The following ZNF236 variants were observed in gnomAD, a reference collection of about 807,000 sequenced individuals.
The protein encoded by ZNF236 is regulated by glucose.
Under a neutral mutation model 191.2 loss-of-function variants are expected in ZNF236, and 50 were observed. The observed-to-expected ratio is 0.26, with a 90% CI of 0.21 to 0.33. The LOEUF (loss-of-function observed/expected upper bound fraction) is 0.33, where lower values mean the gene tolerates loss of function less well. Ranked by LOEUF, ZNF236 falls within the 10% of genes least tolerant of loss-of-function variation. ZNF236 has a pLI of 1.00. For synonymous variants in ZNF236, 907 were observed against 928.8 expected, an observed-to-expected ratio of 0.98 and a Z score of 0.43; for missense variants, 1,754 against 2,374.5, an observed-to-expected ratio of 0.74 and a Z score of 5.43.
At position 76,956,140 on chromosome 18, in the gene ZNF236, C is replaced by T. The variant is rs1292455523; in HGVS notation, c.5070C>T (p.Cys1690=). ...ATGGCCGGGAGCGCATCCACGGCTG[C>T]CCCGTGTGCAGGAAGGCCTTCAAGC... ...EVHGRERIHG[C]PVCRKAFKRA... Residue 1690 remains cysteine (C), a synonymous_variant, in exon 28 of 31, where the codon TGC becomes TGT. Coordinates refer to ENST00000320610, the MANE Select transcript of ZNF236 (RefSeq NM_001306089.2). 1.3e-6 allele frequency: 2 copies of T among 1,565,402 alleles called. No individual in the cohort carries two copies. Among genetic ancestry groups the T allele is most frequent in the Non-Finnish European group, 1.7e-6 (2 of 1,156,172 alleles).
intron 25 of ZNF236, chr18:76,936,360 G>T (rs1445584534): frequency 2.2e-6 from 1 of 456,626 alleles, no homozygotes; most frequent in South Asian, 1.5e-5. Context: ...GTGTTCACTG[G>T]TGCCCACTAC....
At chr18:76,883,362 C>CT (rs10581368) in intron 9 of ZNF236, among the ~76,000 whole-genome samples, 109 of 93,032 alleles carry the variant, frequency 1.2e-3, no homozygotes, top group Admixed American at 2.4e-3. Flanking sequence ...GGAGCCAGTG[C>CT]TTTTTTTTTT....
chr18:76,891,382 G>T (rs1477817888), intron 9 of ZNF236, among the ~76,000 whole-genome samples: 1 of 151,986 alleles, frequency 6.6e-6, no homozygotes, highest in Non-Finnish European at 1.5e-5. Context: ...TAATTTAATA[G>T]GTTTTTTTTT....
intron 3 of ZNF236, among the ~76,000 whole-genome samples, chr18:76,858,179 T>TA (rs1198245301): frequency 1.1e-4 from 16 of 151,952 alleles, no homozygotes; most frequent in African/African-American, 1.4e-4. Flanking sequence ...GCGCAGTTTT[T>TA]AAAAAAAAAT....
At chr18:76,961,367 TTGTG>T (rs58383689) in intron 30 of ZNF236, among the ~76,000 whole-genome samples, 38,149 of 146,686 alleles carry the variant, frequency 0.26, 5,707 homozygotes, top group Middle Eastern at 0.38. Flanking sequence ...TAGTATTCCA[TTGTG>T]TGTGTGTGTG....
chr18:76,857,631 C>T (rs186029743), intron 3 of ZNF236, among the ~76,000 whole-genome samples: 15 of 152,282 alleles, frequency 9.9e-5, no homozygotes, highest in Admixed American at 5.2e-4. Flanking sequence ...GTGACACAGG[C>T]AGGTACACTT....
intron 26 of ZNF236, among the ~76,000 whole-genome samples, chr18:76,938,152 G>A (rs1448251202): frequency 2.0e-5 from 3 of 152,126 alleles, no homozygotes; most frequent in Non-Finnish European, 4.4e-5. Context: ...CACTTTGGGA[G>A]GCTGAGGTGG....
intron 17 of ZNF236, among the ~76,000 whole-genome samples, chr18:76,913,424 C>T (rs1868388232): frequency 6.6e-6 from 1 of 152,208 alleles, no homozygotes; most frequent in African/African-American, 2.4e-5. Context: ...CATACATTTT[C>T]TTCCTATTAT....
In ZNF236 at chr18:76,849,540, T is replaced by C. The variant is rs1259422656; in HGVS notation, c.70T>C (p.Leu24=). The change falls in exon 2 of 31, where the codon TTG becomes CTG. Residue 24 remains leucine, a synonymous_variant. Coordinates refer to ENST00000320610, the MANE Select transcript of ZNF236 (RefSeq NM_001306089.2). The stretch of plus-strand genomic sequence containing the variant: ...CAATTTTATAGATGGAGTTTTAACA[T>C]TGAATGCGGAGAACACTAATTATGC... ...ARGDSDGVLT[L]NAENTNYAYQ... 2.5e-6 allele frequency: 4 copies of C among 1,608,880 alleles called. No individual in the cohort carries two copies. The Admixed American group carries it at 5.1e-5, about 21-fold the overall frequency.
At chr18:76,952,946 A>G (rs960421502) in intron 27 of ZNF236, among the ~76,000 whole-genome samples, 11 of 152,224 alleles carry the variant, frequency 7.2e-5, no homozygotes, top group Admixed American at 2.6e-4. Flanking sequence ...CACTCAGGTA[A>G]GGACCCTGCT....
chr18:76,825,279 T>C lies in ZNF236; in HGVS notation c.55+2617T>C, dbSNP rs184712167. 2.7e-3 allele frequency among the ~76,000 whole-genome samples: 413 copies of C among 152,366 alleles called. 3 individuals carry two copies. The highest frequency in any genetic ancestry group is 9.7e-3 in the African/African-American group (405 of 41,574). ...ACCAGTCCTCCTGTAGCAAAGTGGT[T>C]CTCAAACTGTGGTTCCTGGACCCCT... is the stretch of plus-strand genomic sequence containing the variant. On this transcript the variant is annotated intron_variant, in intron 1 of 30. Coordinates refer to ENST00000320610, the MANE Select transcript of ZNF236 (RefSeq NM_001306089.2).
chr18:76,906,998 AAGCCTCCATCAGTT>A (rs1463874782), intron 13 of ZNF236, among the ~76,000 whole-genome samples: 2 of 152,246 alleles, frequency 1.3e-5, no homozygotes, highest in African/African-American at 2.4e-5. Context: ...AACAGAAAAC[AAGCCTCCATCAGTT>A]AGCGTGAGAC....
At chr18:76,836,985 C>T (rs1312994677) in intron 1 of ZNF236, among the ~76,000 whole-genome samples, 1 of 152,072 alleles carries the variant, frequency 6.6e-6, no homozygotes, top group African/African-American at 2.4e-5. Context: ...AAGCAATTCT[C>T]GTGCCTCAGC....
chr18:76,940,193 C>T (rs1233197259), intron 26 of ZNF236, among the ~76,000 whole-genome samples: 1 of 146,652 alleles, frequency 6.8e-6, no homozygotes, highest in Non-Finnish European at 1.5e-5. Context: ...CAGTGGGCTA[C>T]CCTAGCACTG....
intron 10 of ZNF236, chr18:76,898,011 G>A (rs980808643): frequency 1.8e-4 from 27 of 152,144 alleles, no homozygotes; most frequent in African/African-American, 6.5e-4. Context: ...ATAAATGAAC[G>A]TAGAATTGCA....
intron 1 of ZNF236, among the ~76,000 whole-genome samples, chr18:76,838,422 A>G (rs1239899586): frequency 6.6e-6 from 1 of 152,166 alleles, no homozygotes; most frequent in African/African-American, 2.4e-5. Flanking sequence ...GAGTGCTGTG[A>G]CCTGTGGAAA....
At chr18:76,923,254 C>A in intron 21 of ZNF236, 80 bp downstream of exon 21, 3 of 958,582 alleles carry the variant, frequency 3.1e-6, no homozygotes, top group African/African-American at 1.7e-5. Context: ...ATTTTGTGTA[C>A]ATAAATACTT....
intron 1 of ZNF236, among the ~76,000 whole-genome samples, chr18:76,833,190 C>T (rs549325709): frequency 7.9e-5 from 12 of 152,168 alleles, no homozygotes; most frequent in East Asian, 5.8e-4. Context: ...TTATCACTTT[C>T]GTTACTGTTT....
chr18:76,890,217 C>T (rs1296293727), intron 9 of ZNF236, among the ~76,000 whole-genome samples: 1 of 152,190 alleles, frequency 6.6e-6, no homozygotes, highest in Non-Finnish European at 1.5e-5. Flanking sequence ...TTTGATTTCG[C>T]TGTTTAGCTA....
Sources: allele counts gnomAD v4.1 joint callset (sites outside exome capture counted in the v4.1 genomes callset), GRCh38; gene constraint gnomAD v4.1.1; transcripts MANE v1.5; gene names NCBI Gene and HGNC (gene_info 2026-07-23, HGNC 2026-07-21).